HSD17B13: variants seen among roughly 807,000 people sequenced by gnomAD.
HSD17B13 encodes the protein 17-beta-hydroxysteroid dehydrogenase 13.
A neutral mutation model predicts 31.1 loss-of-function variants in HSD17B13; 26 were observed. The ratio of observed to expected loss-of-function variants is 0.84; its 90% CI spans 0.61 to 1.16. HSD17B13 has a LOEUF of 1.16. Ranked by LOEUF, HSD17B13 falls within the 50% of genes most tolerant of loss-of-function variation. The pLI is 0.00. For missense variants in HSD17B13, 374 were observed against 366.5 expected (o/e 1.02, Z -0.17); for synonymous variants, 141 against 133.7 (o/e 1.05, Z -0.38).
chr4:87,322,793 A>G lies in HSD17B13; in HGVS notation c.49T>C (p.Ser17Pro), dbSNP rs1179391078. The G allele has an allele frequency of 6.2e-7, 1 of 1,614,150 alleles. No homozygotes were observed. The highest frequency in any genetic ancestry group is 1.3e-5 in the African/African-American group (1 of 75,022). ...AACTTCACCAACGACTCCAAGTAGG[A>G]GTAGATGATGGTGATCAGAAGCAGA... ...ILLLLITIIY[S>P]YLESLVKFFI... Residue 17 changes from serine to proline, a missense_variant, in exon 1 of 7, where the codon TCC (serine) becomes CCC (proline). Coordinates refer to ENST00000328546, the MANE Select transcript of HSD17B13 (RefSeq NM_178135.5).
rs760790529 is a variant in HSD17B13, at chr4:87,315,512, G to C, written c.538C>G (p.Pro180Ala). ...VASVCGHEGI[P>A]YLIPYCSSKF... ...ACTTACCAATATGGGATGAGGTAAG[G>C]AATCCCTTCGTGGCCGCACACTGAA... The change falls in exon 4 of 7, where the codon CCT becomes GCT. Residue 180 changes from proline to alanine, a missense_variant. Transcript: ENST00000328546. The C allele has an allele frequency of 6.2e-7, 1 of 1,606,914 alleles. No homozygotes were observed. Among genetic ancestry groups the C allele is most frequent in the South Asian group, 1.1e-5 (1 of 90,732 alleles).
chr4:87,314,508 A>G (rs1205077393), intron 4 of HSD17B13, among the ~76,000 whole-genome samples: 1 of 152,112 alleles, frequency 6.6e-6, no homozygotes, highest in African/African-American at 2.4e-5. Flanking sequence ...TTTACAGGAA[A>G]GGATATTTGG....
intron 1 of HSD17B13, among the ~76,000 whole-genome samples, chr4:87,321,171 G>A (rs1266310473): frequency 2.6e-5 from 4 of 151,904 alleles, no homozygotes; most frequent in East Asian, 1.9e-4. Context: ...CTGGGACTAC[G>A]GGTGTGCACC....
chr4:87,306,303 A>G (rs1303535119), intron 6 of HSD17B13, among the ~76,000 whole-genome samples: 8 of 152,222 alleles, frequency 5.3e-5, no homozygotes, highest in Non-Finnish European at 7.3e-5. Context: ...TCTTGATGCT[A>G]AAAGCTCACC....
At chr4:87,315,685 A>G (rs1734637328) in intron 3 of HSD17B13, 86 bp from the exon 4 acceptor site, 1 of 707,728 alleles carries the variant, frequency 1.4e-6, no homozygotes, top group East Asian at 2.6e-5. Context: ...TTAAGACAGA[A>G]AGGCATTTGA....
Position 87,322,711 on chromosome 4 carries a change from G to C in HSD17B13, c.131C>G (p.Ala44Gly). The change falls in exon 1 of 7, where the codon GCT becomes GGT. Residue 44 changes from alanine (A) to glycine (G), a missense_variant. By Grantham distance (60) the Ala-to-Gly change is moderately conservative. Coordinates refer to ENST00000328546, the MANE Select transcript of HSD17B13 (RefSeq NM_178135.5). ...AGTCTGCCTGCCTATTCCATGCCCA[G>C]CTCCAGTAATGAGAACAATCTCCCC... ...VAGEIVLITGAGHGIGRQTTY... is the reference protein window; with the variant it reads ...VAGEIVLITGGGHGIGRQTTY... 1.9e-6 allele frequency: 3 copies of C among 1,614,082 alleles called. No homozygotes were observed. The highest frequency in any genetic ancestry group is 2.5e-6 in the Non-Finnish European group (3 of 1,179,990).
At chr4:87,321,925 A>T (rs1734795794) in intron 1 of HSD17B13, among the ~76,000 whole-genome samples, 2 of 152,262 alleles carry the variant, frequency 1.3e-5, no homozygotes, top group Admixed American at 1.3e-4. Context: ...TGGCCTTACC[A>T]GAATTTACAA....
chr4:87,320,382 G>GTTTTTTTTTTTTTTTTTTTTTTTTTTTT (rs66590696), intron 1 of HSD17B13, among the ~76,000 whole-genome samples: 1 of 101,380 alleles, frequency 9.9e-6, no homozygotes, highest in Non-Finnish European at 1.9e-5. Flanking sequence ...TTATTCTTCA[G>GTTTTTTTTTTTTTTTTTTTTTTTTTTTT]TTTTTTTTTT....
chr4:87,312,289 G>A (rs1191274470), intron 5 of HSD17B13, among the ~76,000 whole-genome samples: 1 of 152,078 alleles, frequency 6.6e-6, no homozygotes, highest in African/African-American at 2.4e-5. Flanking sequence ...GCAAATGTAA[G>A]AAGCCACGTT....
intron 3 of HSD17B13, among the ~76,000 whole-genome samples, chr4:87,316,327 T>G (rs1385313409): frequency 6.6e-6 from 1 of 152,164 alleles, no homozygotes; most frequent in African/African-American, 2.4e-5. Flanking sequence ...GTTATGCAGC[T>G]ATAGGTAGCT....
intron 3 of HSD17B13, 127 bp downstream of exon 3, chr4:87,316,965 T>C (rs533617174): frequency 3.2e-6 from 3 of 944,290 alleles, no homozygotes; most frequent in Admixed American, 2.2e-5. Flanking sequence ...TCAAACAAAT[T>C]TAATGATTCT....
At chr4:87,308,495 A>AAT (rs1734442613) in intron 6 of HSD17B13, among the ~76,000 whole-genome samples, 1 of 69,944 alleles carries the variant, frequency 1.4e-5, no homozygotes, top group Non-Finnish European at 2.7e-5. Flanking sequence ...TAAAAAAAAA[A>AAT]AAAAAAAAAA....
chr4:87,311,335 T>A (rs1339617020), intron 5 of HSD17B13, among the ~76,000 whole-genome samples: 1 of 152,224 alleles, frequency 6.6e-6, no homozygotes, highest in Non-Finnish European at 1.5e-5. Context: ...ACTTTCCTAA[T>A]AAACTTGCTT....
chr4:87,317,264 C>A lies in HSD17B13; in HGVS notation c.319-41G>T, dbSNP rs528603881. ...GAACACTTTCACTGGGTGTATTATT[C>A]AAACTCAAAGTTTTGGGACCAATAT... On this transcript the variant is annotated intron_variant, in intron 2 of 6. Transcript: ENST00000328546. 7.6e-4 allele frequency: 1,214 copies of A among 1,605,792 alleles called. 8 individuals are homozygous for A. The African/African-American group carries it at 0.014, about 18-fold the overall frequency.
rs562986494 is a variant in HSD17B13, at chr4:87,319,088, A to G, written c.211-652T>C. Reference sequence around the variant, plus strand: ...TCCCAGCTACTCGGGAAGTTTAGACAGGAGAATCACTTGAACCCGGGAGGC... The same window carrying G: ...TCCCAGCTACTCGGGAAGTTTAGACGGGAGAATCACTTGAACCCGGGAGGC... On this transcript the variant is annotated intron_variant, in intron 1 of 6. Coordinates refer to ENST00000328546, the MANE Select transcript of HSD17B13 (RefSeq NM_178135.5). Among the ~76,000 whole-genome samples the G allele has an allele frequency of 5.9e-5, 9 of 152,292 alleles. No homozygotes were observed. In the South Asian group the frequency reaches 1.0e-3, roughly 18 times the overall value.
intron 5 of HSD17B13, among the ~76,000 whole-genome samples, chr4:87,312,581 G>A (rs1408382597): frequency 7.9e-6 from 1 of 126,952 alleles, no homozygotes; most frequent in Non-Finnish European, 1.6e-5. Flanking sequence ...CCAGGCTGGA[G>A]TGCAGTGGCG....
At chr4:87,305,383 T>C in intron 6 of HSD17B13, 75 bp from the exon 7 acceptor site, 2 of 883,654 alleles carry the variant, frequency 2.3e-6, no homozygotes, top group East Asian at 2.7e-5. Context: ...TTTTTGGTCA[T>C]TTAGAATACG....
intron 6 of HSD17B13, among the ~76,000 whole-genome samples, chr4:87,308,043 T>C (rs1393879914): frequency 6.6e-6 from 1 of 152,210 alleles, no homozygotes; most frequent in Non-Finnish European, 1.5e-5. Context: ...TAGAAACTGC[T>C]CCTCAGAAGA....
chr4:87,311,922 C>G (rs1734537683), intron 5 of HSD17B13, among the ~76,000 whole-genome samples: 1 of 152,204 alleles, frequency 6.6e-6, no homozygotes, highest in South Asian at 2.1e-4. Context: ...AACCCAGCCT[C>G]GGAGCCAAGT....
Sources: gnomAD v4.1 joint callset for allele counts (sites outside exome capture counted in the v4.1 genomes callset) on GRCh38, gnomAD v4.1.1 for gene constraint, MANE v1.5 for transcripts, NCBI Gene and HGNC (gene_info 2026-07-23, HGNC 2026-07-21) for gene names.